Variants in CELF2 observed in about 807,000 individuals in gnomAD.
CELF2 encodes the protein CUG triplet repeat RNA-binding protein 2.
In CELF2, 8 loss-of-function variants were observed where a neutral mutation model predicts 62.6. That is an observed-to-expected ratio of 0.13 (90% CI 0.07 to 0.23). The LOEUF is 0.23. Ranked by LOEUF, CELF2 falls within the 10% of genes least tolerant of loss-of-function variation. The pLI is 1.00. For synonymous variants in CELF2, 258 were observed against 250.0 expected (o/e 1.03, Z -0.30); for missense variants, 333 against 671.0 (o/e 0.50, Z 5.56).
chr10:11,283,247 G>A (rs1406739501), intron 8 of CELF2, among the ~76,000 whole-genome samples: 1 of 152,206 alleles, frequency 6.6e-6, no homozygotes, highest in African/African-American at 2.4e-5. Flanking sequence ...AGACTTCAGG[G>A]AGGATTTCAT....
chr10:10,654,331 C>T, the CELF2 span, among the ~76,000 whole-genome samples: 23 of 108,970 alleles, frequency 2.1e-4, 1 homozygote, highest in East Asian at 4.0e-3. Flanking sequence ...CTATTCCAAT[C>T]AATAGAAAAA....
chr10:11,080,858 C>G (rs977982882), intron 1 of CELF2, among the ~76,000 whole-genome samples: 2 of 152,206 alleles, frequency 1.3e-5, no homozygotes, highest in Admixed American at 1.3e-4. Flanking sequence ...AGTTGATCCA[C>G]GTCTGTTGTC....
At chr10:10,933,805 T>C (rs1592111088) in intron 2 of CELF2, among the ~76,000 whole-genome samples, 1 of 152,242 alleles carries the variant, frequency 6.6e-6, no homozygotes, top group South Asian at 2.1e-4. Flanking sequence ...GAATATTCTA[T>C]TGTGTATATA....
chr10:10,472,533 T>C, the CELF2 span, among the ~76,000 whole-genome samples: 1 of 151,972 alleles, frequency 6.6e-6, no homozygotes, highest in African/African-American at 2.4e-5. Flanking sequence ...TTTTGTCTGC[T>C]AAATCCAACA....
the CELF2 span, among the ~76,000 whole-genome samples, chr10:10,562,418 G>T: frequency 0.62 from 94,370 of 152,090 alleles, 30,302 homozygotes; most frequent in East Asian, 0.91. Context: ...TGTTTGTGTA[G>T]TGTTGTATCA....
intron 1 of CELF2, among the ~76,000 whole-genome samples, chr10:11,144,986 TTTC>T (rs2062012782): frequency 6.6e-6 from 1 of 151,210 alleles, no homozygotes; most frequent in Non-Finnish European, 1.5e-5. Context: ...GCTGTAAGAC[TTTC>T]TTGTTTATTT....
At chr10:11,072,246 G>C (rs1277158408) in intron 1 of CELF2, among the ~76,000 whole-genome samples, 3 of 152,124 alleles carry the variant, frequency 2.0e-5, no homozygotes, top group East Asian at 3.8e-4. Flanking sequence ...TCTCTCCCAG[G>C]GTTTTGTACC....
chr10:11,262,101 T>G (rs186562377), intron 5 of CELF2, among the ~76,000 whole-genome samples: 2 of 152,302 alleles, frequency 1.3e-5, no homozygotes, highest in African/African-American at 4.8e-5. Context: ...TTTCTGCTTG[T>G]TTAAGAATAT....
intron 3 of CELF2, among the ~76,000 whole-genome samples, chr10:11,233,578 C>T (rs372276537): frequency 1.3e-5 from 2 of 152,204 alleles, no homozygotes; most frequent in Non-Finnish European, 2.9e-5. Context: ...CAGGAAATTC[C>T]AGTACTAAAA....
chr10:10,878,756 G>A (rs1031670446), intron 1 of CELF2, among the ~76,000 whole-genome samples: 2 of 151,962 alleles, frequency 1.3e-5, no homozygotes, highest in African/African-American at 2.4e-5. Flanking sequence ...AATTGTTTAC[G>A]ACGAAAACAT....
At chr10:10,562,303 G>A in the CELF2 span, among the ~76,000 whole-genome samples, 2 of 152,180 alleles carry the variant, frequency 1.3e-5, no homozygotes, top group African/African-American at 2.4e-5. Context: ...CAGACAGGCT[G>A]TGTTTCTGGC....
the CELF2 span, among the ~76,000 whole-genome samples, chr10:10,466,345 C>T: frequency 3.9e-5 from 6 of 152,028 alleles, no homozygotes; most frequent in Admixed American, 2.0e-4. Context: ...TTTCATTTTG[C>T]GTACTGACTT....
In CELF2 at chr10:11,267,237, C is replaced by G. The variant is rs1299681309; in HGVS notation, c.618+560C>G. ...CAAATTTGGAAAATAGGATTTGTCT[C>G]CTTCCTTAAAAAGATGAGCAATAAC... On this transcript the variant is annotated intron_variant, in intron 6 of 12. Transcript: ENST00000633077. The surrounding 1 kb of genome is among the most constrained non-coding windows in gnomAD (Gnocchi z 4.4). 6.6e-6 allele frequency among the ~76,000 whole-genome samples: 1 copy of G among 152,202 alleles called. No homozygotes were observed. Among genetic ancestry groups the G allele is most frequent in the South Asian group, 2.1e-4 (1 of 4,830 alleles).
At chr10:10,615,630 C>T in the CELF2 span, among the ~76,000 whole-genome samples, 1 of 152,078 alleles carries the variant, frequency 6.6e-6, no homozygotes, top group African/African-American at 2.4e-5. Flanking sequence ...CAGATTTCCC[C>T]TTTGCTGTTC....
At chr10:10,462,957 TACGGGTTTTA>T in the CELF2 span, among the ~76,000 whole-genome samples, 1 of 152,100 alleles carries the variant, frequency 6.6e-6, no homozygotes, top group African/African-American at 2.4e-5. Context: ...CCAGGGATGT[TACGGGTTTTA>T]ATAGGTACCT....
chr10:10,669,628 A>C, the CELF2 span, among the ~76,000 whole-genome samples: 37 of 152,206 alleles, frequency 2.4e-4, no homozygotes, highest in African/African-American at 8.7e-4. Context: ...AAAAGCCTAC[A>C]GGTCTATCAT....
At chr10:10,844,362 A>G (rs1273441048) in intron 1 of CELF2, among the ~76,000 whole-genome samples, 1 of 152,082 alleles carries the variant, frequency 6.6e-6, no homozygotes, top group Non-Finnish European at 1.5e-5. Context: ...CTGGAGAAAA[A>G]TAAGGAGTAT....
rs552668766 is a variant in CELF2 at position 11,131,597 on chromosome 10, G to T, written c.75-33889G>T. Among the ~76,000 whole-genome samples the T allele has an allele frequency of 1.1e-4, 16 of 152,266 alleles. No individual in the cohort carries two copies. The South Asian group carries it at 2.9e-3, about 28-fold the overall frequency. On this transcript the variant is annotated intron_variant, in intron 1 of 12. Coordinates refer to ENST00000633077, the MANE Select transcript of CELF2 (RefSeq NM_001326342.2). ...TATCAATCACGGGCCACCTCCCCTC[G>T]CATGTTTATGTGCTACGTTAGTATG...
At chr10:10,717,712 A>G in the CELF2 span, among the ~76,000 whole-genome samples, 3 of 152,200 alleles carry the variant, frequency 2.0e-5, no homozygotes, top group South Asian at 4.1e-4. Flanking sequence ...AAAAGCAAAG[A>G]AAAAAGAATC....
Sources: allele counts gnomAD v4.1 joint callset (sites outside exome capture counted in the v4.1 genomes callset), GRCh38; gene constraint gnomAD v4.1.1; non-coding constraint Gnocchi (gnomAD v3.1); transcripts MANE v1.5; gene names NCBI Gene and HGNC (gene_info 2026-07-23, HGNC 2026-07-21).